HIVEP1: variants seen among roughly 807,000 people sequenced by gnomAD.
The protein encoded by HIVEP1 is zinc finger protein 40.
HIVEP1 carries 36 observed loss-of-function variants against 180.0 expected under a neutral mutation model. The ratio of observed to expected loss-of-function variants is 0.20; its 90% CI spans 0.15 to 0.26. HIVEP1 has a LOEUF of 0.26. HIVEP1 is among the 10% of genes least tolerant of loss of function. The pLI, the probability that HIVEP1 is intolerant of heterozygous loss-of-function variation, is 1.00. For missense variants in HIVEP1, 3,143 were observed against 3,268.7 expected, an observed-to-expected ratio of 0.96 and a Z score of 0.94; for synonymous variants, 1,239 against 1,239.0, an observed-to-expected ratio of 1.00 and a Z score of 0.00.
chr6:12,189,890 TAAACTGTAAG>T, the HIVEP1 span, among the ~76,000 whole-genome samples: 32 of 152,304 alleles, frequency 2.1e-4, no homozygotes, highest in African/African-American at 6.5e-4. Context: ...AGAGATTCAA[TAAACTGTAAG>T]ATATGCCTTC....
At chr6:12,077,392 A>G (rs967701880) in intron 2 of HIVEP1, among the ~76,000 whole-genome samples, 26 of 152,198 alleles carry the variant, frequency 1.7e-4, no homozygotes, top group African/African-American at 6.0e-4. Context: ...GTTACATTCA[A>G]GACTCCAGGT....
At chr6:12,119,557 T>C (rs899480044) in intron 3 of HIVEP1, among the ~76,000 whole-genome samples, 2 of 152,212 alleles carry the variant, frequency 1.3e-5, no homozygotes, top group Non-Finnish European at 2.9e-5. Context: ...TTTAACCCCA[T>C]GGAGCACTGT....
chr6:12,180,630 A>G, the HIVEP1 span, among the ~76,000 whole-genome samples: 1 of 152,248 alleles, frequency 6.6e-6, no homozygotes, highest in Non-Finnish European at 1.5e-5. Context: ...CATAAACACC[A>G]CGTCATTTTC....
chr6:12,200,961 G>A, the HIVEP1 span, among the ~76,000 whole-genome samples: 1 of 152,180 alleles, frequency 6.6e-6, no homozygotes, highest in Non-Finnish European at 1.5e-5. Context: ...GCCTAGCCCA[G>A]ACTGAGAAGC....
At position 12,164,071 on chromosome 6, in the gene HIVEP1, C is replaced by T; in HGVS notation, c.7767C>T (p.Ala2589=). Residue 2589 remains alanine (A), a synonymous_variant, in exon 9 of 9, where the codon GCC becomes GCT. Coordinates refer to ENST00000379388, the MANE Select transcript of HIVEP1 (RefSeq NM_002114.4). ...CACAACCCAAGCAGACTTCTGTAGC[C>T]AGCGCAAACCAGGTCAGCAGGACCG... The part of the protein sequence containing the change: ...CETQPKQTSV[A]SANQVSRTES... The T allele has an allele frequency of 5.0e-6, 8 of 1,614,182 alleles. No homozygotes were observed. Among genetic ancestry groups the T allele is most frequent in the South Asian group, 1.1e-5 (1 of 91,084 alleles).
intron 7 of HIVEP1, among the ~76,000 whole-genome samples, chr6:12,152,648 A>G (rs1759772080): frequency 6.6e-6 from 1 of 152,202 alleles, no homozygotes; most frequent in Non-Finnish European, 1.5e-5. Context: ...TTAAACTTTG[A>G]CAGTGGTCTC....
intron 2 of HIVEP1, among the ~76,000 whole-genome samples, chr6:12,021,612 T>C (rs917886369): frequency 2.0e-5 from 3 of 152,232 alleles, no homozygotes; most frequent in African/African-American, 7.2e-5. Context: ...GATTATAATA[T>C]GTTAGAAGAG....
chr6:12,066,167 A>G (rs537257548), intron 2 of HIVEP1, among the ~76,000 whole-genome samples: 7 of 152,212 alleles, frequency 4.6e-5, no homozygotes, highest in African/African-American at 1.7e-4. Context: ...CTTACGCTGG[A>G]TGGGAACAGA....
chr6:12,083,576 A>G (rs932609134), intron 2 of HIVEP1, among the ~76,000 whole-genome samples: 4 of 152,070 alleles, frequency 2.6e-5, no homozygotes, highest in Admixed American at 2.6e-4. Flanking sequence ...GACACAGAGG[A>G]GTTTGAGGGA....
upstream of HIVEP1, among the ~76,000 whole-genome samples, chr6:12,011,220 C>G (rs1009848733): frequency 6.7e-6 from 1 of 149,972 alleles, no homozygotes; most frequent in Non-Finnish European, 1.5e-5. Context: ...TTAAGTTTCA[C>G]AATGACTTTC....
intron 3 of HIVEP1, among the ~76,000 whole-genome samples, chr6:12,111,860 T>G (rs1774916157): frequency 6.6e-6 from 1 of 152,226 alleles, no homozygotes. Context: ...CAGAAACATT[T>G]ACAGGTTCCA....
intron 3 of HIVEP1, among the ~76,000 whole-genome samples, chr6:12,109,467 C>T (rs1413854564): frequency 3.3e-5 from 5 of 152,232 alleles, no homozygotes; most frequent in African/African-American, 1.2e-4. Flanking sequence ...ATGTAGTACT[C>T]TAAATCCTTT....
At chr6:12,166,120 CAAT>C (rs1271727206), downstream of HIVEP1, among the ~76,000 whole-genome samples, 1 of 152,134 alleles carries the variant, frequency 6.6e-6, no homozygotes, top group Non-Finnish European at 1.5e-5. Flanking sequence ...GTTGCCCTAT[CAAT>C]AATAGCTGTT....
At chr6:12,162,883 A>C (rs1760493500) in intron 8 of HIVEP1, among the ~76,000 whole-genome samples, 1 of 152,194 alleles carries the variant, frequency 6.6e-6, no homozygotes, top group Non-Finnish European at 1.5e-5. Flanking sequence ...TCAATTTCTC[A>C]GTAACTCTTA....
chr6:12,171,116 A>C, the HIVEP1 span, among the ~76,000 whole-genome samples: 1 of 152,216 alleles, frequency 6.6e-6, no homozygotes, highest in East Asian at 1.9e-4. Context: ...GTACTAAAAA[A>C]CAGCAGTTTG....
At chr6:12,053,917 T>C (rs1770696632) in intron 2 of HIVEP1, among the ~76,000 whole-genome samples, 1 of 152,234 alleles carries the variant, frequency 6.6e-6, no homozygotes, top group African/African-American at 2.4e-5. Context: ...ATAAAGAATA[T>C]GACAAATAGG....
chr6:12,121,647 A>T lies in HIVEP1; in HGVS notation c.1852A>T (p.Thr618Ser). ...MSQGGVSRLE[T>S]NENSHQKGDM... ...CCAGGGTGGAGTCTCCAGGTTGGAG[A>T]CTAATGAGAATTCCCACCAGAAAGG... The change falls in exon 4 of 9, where the codon ACT (threonine) becomes TCT (serine). Residue 618 changes from threonine to serine, a missense_variant. Transcript: ENST00000379388. This position sits in a 1 kb window ranked among gnomAD's most constrained non-coding sequence, Gnocchi z 5.3. 1 of 1,614,098 alleles carries T rather than the reference A, an allele frequency of 6.2e-7. No individual in the cohort carries two copies. Among genetic ancestry groups the T allele is most frequent in the Non-Finnish European group, 8.5e-7 (1 of 1,180,014 alleles).
the HIVEP1 span, among the ~76,000 whole-genome samples, chr6:12,206,596 A>C: frequency 6.6e-6 from 1 of 152,184 alleles, no homozygotes; most frequent in South Asian, 2.1e-4. Flanking sequence ...CTTTAGAGGA[A>C]GCGTGGCCTT....
intron 6 of HIVEP1, among the ~76,000 whole-genome samples, chr6:12,131,584 A>C (rs1758419307): frequency 6.6e-6 from 1 of 151,742 alleles, no homozygotes; most frequent in African/African-American, 2.4e-5. Flanking sequence ...CCTCACTCAT[A>C]GTTAATTTTG....
Sources: allele counts gnomAD v4.1 joint callset (sites outside exome capture counted in the v4.1 genomes callset), GRCh38; gene constraint gnomAD v4.1.1; non-coding constraint Gnocchi (gnomAD v3.1); transcripts MANE v1.5; gene names NCBI Gene and HGNC (gene_info 2026-07-23, HGNC 2026-07-21).